The following CNTLN variants were observed in gnomAD, a reference collection of about 807,000 sequenced individuals.
CNTLN encodes centlein, centrosomal protein.
Under a neutral mutation model 180.0 loss-of-function variants are expected in CNTLN, and 212 were observed. The observed-to-expected ratio is 1.18, with a 90% CI of 1.05 to 1.32. The LOEUF (loss-of-function observed/expected upper bound fraction) is 1.32, where lower values mean the gene tolerates loss of function less well. Among genes scored for constraint, CNTLN ranks in the 40% most tolerant of loss-of-function variants. The probability of loss-of-function intolerance (pLI) is 0.00; values close to 1 mark genes in which losing one functional copy is unlikely to be tolerated. For synonymous variants in CNTLN, 722 were observed against 563.1 expected (o/e 1.28, Z -3.99); for missense variants, 2,095 against 1,610.9 (o/e 1.30, Z -5.14).
At chr9:17,234,195 A>G (rs1189915358) in intron 3 of CNTLN, among the ~76,000 whole-genome samples, 1 of 152,164 alleles carries the variant, frequency 6.6e-6, no homozygotes, top group Admixed American at 6.6e-5. Context: ...GGTGGCTCAC[A>G]CCTGTTATCT....
At chr9:17,511,063 C>T in the CNTLN span, among the ~76,000 whole-genome samples, 1 of 152,158 alleles carries the variant, frequency 6.6e-6, no homozygotes, top group Admixed American at 6.5e-5. Flanking sequence ...TTTAACTATT[C>T]TAATGGGTAT....
chr9:17,291,344 C>T (rs182581526), intron 6 of CNTLN, among the ~76,000 whole-genome samples: 1 of 152,084 alleles, frequency 6.6e-6, no homozygotes, highest in Admixed American at 6.5e-5. Context: ...GAGCTTAGTT[C>T]ATGTCCTGAA....
At chr9:17,445,628 T>G (rs981693016) in intron 18 of CNTLN, among the ~76,000 whole-genome samples, 1 of 152,142 alleles carries the variant, frequency 6.6e-6, no homozygotes, top group Admixed American at 6.5e-5. Flanking sequence ...CTCCCTAATC[T>G]CAAGTACCCA....
At chr9:17,432,651 G>A (rs1829483319) in intron 18 of CNTLN, among the ~76,000 whole-genome samples, 1 of 152,066 alleles carries the variant, frequency 6.6e-6, no homozygotes, top group Non-Finnish European at 1.5e-5. Context: ...CCATAAGACA[G>A]TAGAACAGAT....
At chr9:17,312,391 T>TATATATATA (rs1819251212) in intron 8 of CNTLN, among the ~76,000 whole-genome samples, 2 of 109,380 alleles carry the variant, frequency 1.8e-5, no homozygotes, top group African/African-American at 3.5e-5. Flanking sequence ...TATAATTTAT[T>TATATATATA]TATTTATTTT....
intron 6 of CNTLN, among the ~76,000 whole-genome samples, chr9:17,279,766 A>G (rs922893341): frequency 6.6e-6 from 1 of 151,876 alleles, no homozygotes; most frequent in Non-Finnish European, 1.5e-5. Flanking sequence ...GCATCACTGC[A>G]ATGGTTTGAA....
intron 2 of CNTLN, among the ~76,000 whole-genome samples, chr9:17,206,048 T>C (rs1587139486): frequency 2.0e-5 from 3 of 152,194 alleles, no homozygotes; most frequent in Non-Finnish European, 4.4e-5. Context: ...GTTCATCAAC[T>C]GGGTAGCCAC....
chr9:17,400,469 A>T lies in CNTLN; in HGVS notation c.2615+5400A>T, dbSNP rs184647884. 9.1e-4 allele frequency among the ~76,000 whole-genome samples: 138 copies of T among 152,212 alleles called. 1 individual carries two copies. The East Asian group carries it at 0.022, about 24-fold the overall frequency. On this transcript the variant is annotated intron_variant, in intron 15 of 25. Transcript: ENST00000380647. Reference sequence around the variant, plus strand: ...CCATTATTTAGAGTATATCTTAGGGATTAGGAACGTGGAATCTGTTACCAA... The same window carrying T: ...CCATTATTTAGAGTATATCTTAGGGTTTAGGAACGTGGAATCTGTTACCAA...
chr9:17,515,156 C>T, the CNTLN span, among the ~76,000 whole-genome samples: 2 of 152,210 alleles, frequency 1.3e-5, no homozygotes, highest in East Asian at 1.9e-4. Context: ...CTACTTCATC[C>T]GTCAGCAACA....
At chr9:17,195,879 A>G (rs1822098621) in intron 2 of CNTLN, among the ~76,000 whole-genome samples, 1 of 152,168 alleles carries the variant, frequency 6.6e-6, no homozygotes, top group Non-Finnish European at 1.5e-5. Context: ...TTTACTCTGC[A>G]TGGTAATTTA....
At chr9:17,417,125 T>G (rs1038546042) in intron 18 of CNTLN, among the ~76,000 whole-genome samples, 3 of 152,192 alleles carry the variant, frequency 2.0e-5, no homozygotes, top group Non-Finnish European at 4.4e-5. Flanking sequence ...TTTTACAGGC[T>G]TGGCCATTGG....
chr9:17,377,852 T>G (rs1824906635), intron 13 of CNTLN, among the ~76,000 whole-genome samples: 1 of 152,142 alleles, frequency 6.6e-6, no homozygotes, highest in African/African-American at 2.4e-5. Context: ...TGCCTGAAAA[T>G]TTACTTTTTT....
chr9:17,170,235 A>G (rs1820338670), intron 2 of CNTLN, among the ~76,000 whole-genome samples: 1 of 152,146 alleles, frequency 6.6e-6, no homozygotes, highest in Non-Finnish European at 1.5e-5. Context: ...CTGATTTTGT[A>G]TTCTGAAACT....
chr9:17,202,156 C>G (rs1822577012), intron 2 of CNTLN, among the ~76,000 whole-genome samples: 1 of 152,172 alleles, frequency 6.6e-6, no homozygotes, highest in Non-Finnish European at 1.5e-5. Context: ...GAATGAGTTT[C>G]TTCATCCTGA....
rs919408364 is a variant in CNTLN, at chr9:17,397,847, A to T, written c.2615+2778A>T. 4.6e-5 allele frequency among the ~76,000 whole-genome samples: 7 copies of T among 152,150 alleles called. No individual in the cohort carries two copies. The South Asian group carries it at 1.5e-3, about 32-fold the overall frequency. On this transcript the variant is annotated intron_variant, in intron 15 of 25. Transcript: ENST00000380647. ...TAGCAGTAAAACTCAATTTTACACC[A>T]TGATTAGTGTTACATTTCCTGCCTG...
intron 2 of CNTLN, among the ~76,000 whole-genome samples, chr9:17,210,896 G>A (rs1823254608): frequency 1.3e-5 from 2 of 152,054 alleles, no homozygotes; most frequent in African/African-American, 2.4e-5. Context: ...ACTTTTTGAT[G>A]GGGTTGTTTG....
At chr9:17,181,119 G>T (rs572665521) in intron 2 of CNTLN, among the ~76,000 whole-genome samples, 1 of 152,130 alleles carries the variant, frequency 6.6e-6, no homozygotes, top group African/African-American at 2.4e-5. Flanking sequence ...TTGAGTCACT[G>T]TTTCTTTGTA....
At chr9:17,353,675 C>A (rs1822560223) in intron 12 of CNTLN, among the ~76,000 whole-genome samples, 1 of 150,556 alleles carries the variant, frequency 6.6e-6, no homozygotes, top group African/African-American at 2.4e-5. Flanking sequence ...TCTTGGCTCA[C>A]TGCAACCTCT....
At chr9:17,424,580 G>A (rs77740355) in intron 18 of CNTLN, among the ~76,000 whole-genome samples, 3 of 152,130 alleles carry the variant, frequency 2.0e-5, no homozygotes, top group African/African-American at 4.8e-5. Context: ...ATGTTTTATA[G>A]TAGGCACTAA....
Sources: allele counts gnomAD v4.1 joint callset (sites outside exome capture counted in the v4.1 genomes callset), GRCh38; gene constraint gnomAD v4.1.1; transcripts MANE v1.5; gene names NCBI Gene and HGNC (gene_info 2026-07-23, HGNC 2026-07-21).